ABCA4: variants seen among roughly 807,000 people sequenced by gnomAD.
ABCA4 encodes ATP binding cassette subfamily A member 4, also known as retinal-specific phospholipid-transporting ATPase ABCA4.
ABCA4 carries 196 observed loss-of-function variants against 263.7 expected under a neutral mutation model. That is an observed-to-expected ratio of 0.74 (90% CI 0.66 to 0.84). The LOEUF is 0.84. Among genes scored for constraint, ABCA4 ranks in the 40% least tolerant of loss-of-function variants. The probability of loss-of-function intolerance (pLI) is 0.00; values close to 1 mark genes in which losing one functional copy is unlikely to be tolerated. For missense variants in ABCA4, 2,792 were observed against 2,855.1 expected (o/e 0.98, Z 0.50); for synonymous variants, 1,133 against 1,094.2 (o/e 1.04, Z -0.70).
chr1:93,997,512 C>T (rs1178070084), intron 48 of ABCA4, among the ~76,000 whole-genome samples: 1 of 151,714 alleles, frequency 6.6e-6, no homozygotes, highest in Non-Finnish European at 1.5e-5. Flanking sequence ...TCAAGTGATC[C>T]TCCTGCCTTG....
intron 6 of ABCA4, among the ~76,000 whole-genome samples, chr1:94,086,950 G>T (rs1661847237): frequency 1.3e-5 from 2 of 152,110 alleles, no homozygotes; most frequent in African/African-American, 4.8e-5. Flanking sequence ...CCACAGATCT[G>T]GCAGCTGGGA....
In ABCA4 at chr1:94,014,281, CGAAG is replaced by C. The variant is rs1220518283; in HGVS notation, c.5460+258_5460+261del. On this transcript the variant is annotated intron_variant, in intron 38 of 49. Transcript: ENST00000370225. ...AAGGAAAGAGGAAGGGAAGGAGGGA[CGAAG>C]GAAGGAAGGAAGCAATGAAAAAGGA... Among the ~76,000 whole-genome samples, 8 of 125,530 alleles carry C rather than the reference CGAAG, an allele frequency of 6.4e-5. No homozygotes were observed. In the East Asian group the frequency reaches 1.4e-3, roughly 21 times the overall value. The allele number at this position is 125,530 out of a possible 152,430, so 82.4% of individuals were successfully genotyped here.
At chr1:94,016,636 G>GA (rs934742865) in intron 36 of ABCA4, among the ~76,000 whole-genome samples, 1 of 151,896 alleles carries the variant, frequency 6.6e-6, no homozygotes, top group Non-Finnish European at 1.5e-5. Context: ...GATGTGGAAA[G>GA]AAAAAAAACT....
chr1:93,998,189 A>C, intron 47 of ABCA4, 79 bp from the exon 48 acceptor site: 1 of 1,605,194 alleles, frequency 6.2e-7, no homozygotes, highest in South Asian at 1.1e-5. Flanking sequence ...GAGTAGACTC[A>C]TCAGAAATTT....
intron 38 of ABCA4, among the ~76,000 whole-genome samples, chr1:94,013,744 G>A (rs1286572697): frequency 1.3e-5 from 2 of 152,224 alleles, no homozygotes; most frequent in Non-Finnish European, 2.9e-5. Context: ...GCTCATAAAA[G>A]TGAGGCATTC....
chr1:94,086,595 T>C (rs1661833143), intron 6 of ABCA4, among the ~76,000 whole-genome samples: 1 of 148,976 alleles, frequency 6.7e-6, no homozygotes, highest in South Asian at 2.1e-4. Flanking sequence ...TTATATAAAG[T>C]ACAAGGCAAA....
At chr1:94,081,526 C>T (rs1205658573) in intron 7 of ABCA4, among the ~76,000 whole-genome samples, 1 of 152,120 alleles carries the variant, frequency 6.6e-6, no homozygotes, top group Non-Finnish European at 1.5e-5. Flanking sequence ...GGAAAATAAT[C>T]TTATTAGCTT....
chr1:94,008,675 C>A, intron 41 of ABCA4, 76 bp downstream of exon 41: 1 of 1,603,188 alleles, frequency 6.2e-7, no homozygotes, highest in South Asian at 1.1e-5. Context: ...ATCAATTGTT[C>A]TATAGAAGGA....
At chr1:94,078,293 T>C (rs1000480765) in intron 10 of ABCA4, among the ~76,000 whole-genome samples, 5 of 152,206 alleles carry the variant, frequency 3.3e-5, no homozygotes, top group Non-Finnish European at 7.4e-5. Context: ...CTTGGGGAGA[T>C]GCCTCTTTGA....
At position 94,001,999 on chromosome 1, in the gene ABCA4, A is replaced by T. The variant is rs1557759590; in HGVS notation, c.6148-7T>A. 3.7e-6 allele frequency: 6 copies of T among 1,614,000 alleles called. No individual in the cohort carries two copies. The African/African-American group carries it at 8.0e-5, about 22-fold the overall frequency. On this transcript the variant is annotated splice_polypyrimidine_tract_variant and splice_region_variant and intron_variant, in intron 44 of 49. Coordinates refer to ENST00000370225, the MANE Select transcript of ABCA4 (RefSeq NM_000350.3). ...TAATACTCCAGTTTGCAACCTAGGGAAGAGAAAGAAATGCCATTTGGAGAA... is the reference window on the plus strand; with the variant it reads ...TAATACTCCAGTTTGCAACCTAGGGTAGAGAAAGAAATGCCATTTGGAGAA...
At chr1:94,041,012 G>A (rs1463172102) in intron 23 of ABCA4, among the ~76,000 whole-genome samples, 197 bp downstream of exon 23, 1 of 152,194 alleles carries the variant, frequency 6.6e-6, no homozygotes, top group Admixed American at 6.5e-5. Context: ...AAAGCTAGTT[G>A]TTTCATTTTG....
intron 49 of ABCA4, 43 bp downstream of exon 49, chr1:93,996,066 A>T (rs1225153044): frequency 1.9e-6 from 3 of 1,576,826 alleles, no homozygotes; most frequent in Non-Finnish European, 2.6e-6. Context: ...CTCTGAGCCA[A>T]GGAACTGCCT....
chr1:94,099,521 A>G (rs547442621), intron 5 of ABCA4, among the ~76,000 whole-genome samples: 4 of 152,330 alleles, frequency 2.6e-5, no homozygotes, highest in African/African-American at 9.6e-5. Flanking sequence ...TCATCTTATC[A>G]GAGTGCCATT....
intron 43 of ABCA4, among the ~76,000 whole-genome samples, chr1:94,006,525 T>C (rs995646976): frequency 4.6e-5 from 7 of 152,188 alleles, no homozygotes; most frequent in African/African-American, 9.7e-5. Flanking sequence ...TGGTATGATA[T>C]CTCTACCCTG....
chr1:94,020,385 A>G (rs1433619796), intron 35 of ABCA4, among the ~76,000 whole-genome samples: 1 of 152,228 alleles, frequency 6.6e-6, no homozygotes, highest in African/African-American at 2.4e-5. Context: ...GACAGTGTCC[A>G]CCTGCAGAAA....
intron 6 of ABCA4, among the ~76,000 whole-genome samples, chr1:94,089,616 A>C (rs1661920874): frequency 6.6e-6 from 1 of 152,144 alleles, no homozygotes; most frequent in South Asian, 2.1e-4. Flanking sequence ...GGTGCCCACC[A>C]CATCTGGCTA....
chr1:94,069,479 G>A (rs1405754661), intron 11 of ABCA4, among the ~76,000 whole-genome samples: 1 of 152,144 alleles, frequency 6.6e-6, no homozygotes, highest in African/African-American at 2.4e-5. Context: ...TAGAGATGTT[G>A]GCTGTATAAT....
At chr1:93,996,507 TA>T (rs200982046) in intron 48 of ABCA4, among the ~76,000 whole-genome samples, 3 of 150,648 alleles carry the variant, frequency 2.0e-5, no homozygotes, top group African/African-American at 4.9e-5. Context: ...TCCTAATAAC[TA>T]AAAAAAAAGG....
At chr1:94,039,155 T>C (rs1237487391) in intron 24 of ABCA4, among the ~76,000 whole-genome samples, 1 of 152,098 alleles carries the variant, frequency 6.6e-6, no homozygotes, top group Non-Finnish European at 1.5e-5. Context: ...AGAGATGTCA[T>C]CCTAAAAAGA....
Sources: allele counts gnomAD v4.1 joint callset (sites outside exome capture counted in the v4.1 genomes callset), GRCh38; gene constraint gnomAD v4.1.1; transcripts MANE v1.5; gene names NCBI Gene and HGNC (gene_info 2026-07-23, HGNC 2026-07-21).